FREM1: variants seen among roughly 807,000 people sequenced by gnomAD.
FREM1 encodes FRAS1 related extracellular matrix 1, also known as FRAS1-related extracellular matrix protein 1.
In FREM1, 220 loss-of-function variants were observed where a neutral mutation model predicts 210.1. The observed-to-expected ratio is 1.05, with a 90% CI of 0.94 to 1.17. FREM1 has a LOEUF of 1.17. Among genes scored for constraint, FREM1 ranks in the 50% most tolerant of loss-of-function variants. The probability of loss-of-function intolerance (pLI) is 0.00; values close to 1 mark genes in which losing one functional copy is unlikely to be tolerated. For synonymous variants in FREM1, 1,189 were observed against 980.2 expected (o/e 1.21, Z -3.98); for missense variants, 3,454 against 2,675.5 (o/e 1.29, Z -6.42).
intron 10 of FREM1, among the ~76,000 whole-genome samples, chr9:14,834,861 C>A (rs190143176): frequency 5.3e-5 from 8 of 151,452 alleles, no homozygotes; most frequent in Admixed American, 4.6e-4. Context: ...TTATTGTAAA[C>A]CACGAAGATA....
At chr9:14,810,037 C>A (rs1021513714) in intron 16 of FREM1, among the ~76,000 whole-genome samples, 1 of 152,070 alleles carries the variant, frequency 6.6e-6, no homozygotes, top group African/African-American at 2.4e-5. Flanking sequence ...TTTTAGCTGA[C>A]AATGGCGTAG....
intron 19 of FREM1, among the ~76,000 whole-genome samples, chr9:14,802,153 A>C (rs770694406): frequency 3.9e-5 from 6 of 152,216 alleles, no homozygotes; most frequent in Admixed American, 2.6e-4. Context: ...TGTATTGTTC[A>C]TAAGTCAAAG....
rs761033350 is a variant in FREM1, at chr9:14,806,802, C to G, written c.3133G>C (p.Val1045Leu). The G allele has an allele frequency of 6.2e-7, 1 of 1,608,130 alleles. No homozygotes were observed. Among genetic ancestry groups the G allele is most frequent in the East Asian group, 2.2e-5 (1 of 44,838 alleles). Reference sequence around the variant, plus strand: ...GGGTCAGTGGCGGACAAATGGTTAACAGTAAGGGCTGTTGAGCAGCCCTCA... The same window carrying G: ...GGGTCAGTGGCGGACAAATGGTTAAGAGTAAGGGCTGTTGAGCAGCCCTCA... ...VDEGCSTALT[V>L]NHLSATDPDT... Residue 1045 changes from valine to leucine, a missense_variant, in exon 18 of 37, where the codon GTT becomes CTT. Val to Leu is a conservative substitution (Grantham distance 32). Coordinates refer to ENST00000380880, the MANE Select transcript of FREM1 (RefSeq NM_001379081.2).
chr9:14,857,783 T>C (rs768891665), intron 4 of FREM1, 34 bp from the exon 5 acceptor site: 2 of 1,480,126 alleles, frequency 1.4e-6, no homozygotes, highest in African/African-American at 2.8e-5. Context: ...AGAGAGTCAC[T>C]TAAACATAAC....
chr9:14,904,509 G>T (rs1474998196), intron 1 of FREM1, among the ~76,000 whole-genome samples: 4 of 152,174 alleles, frequency 2.6e-5, no homozygotes, highest in African/African-American at 9.7e-5. Context: ...CATATGTATG[G>T]AAAAGAGCAG....
rs1847341801 is a variant in FREM1, at chr9:14,770,511, C to T, written c.5059+94G>A. ...ATCAGTAAGCCCTGGGGAGTGTTTA[C>T]CAAATGGGCCTGCACTTAATTAAAT... On this transcript the variant is annotated intron_variant, in intron 26 of 36. Transcript: ENST00000380880. 4.5e-6 allele frequency: 4 copies of T among 889,416 alleles called. 1 individual carries two copies. The highest frequency in any genetic ancestry group is 1.6e-5 in the African/African-American group (1 of 61,014). The allele number at this position is 889,416 out of a possible 1,614,324, so 55.1% of individuals were successfully genotyped here.
chr9:14,883,365 T>C (rs1302197571), intron 1 of FREM1, among the ~76,000 whole-genome samples: 1 of 152,106 alleles, frequency 6.6e-6, no homozygotes. Flanking sequence ...TTAGAAGCAA[T>C]AAAGATCAAA....
At chr9:14,818,020 C>G (rs1165702880) in intron 14 of FREM1, among the ~76,000 whole-genome samples, 1 of 152,188 alleles carries the variant, frequency 6.6e-6, no homozygotes, top group Non-Finnish European at 1.5e-5. Context: ...CAAAATCTGA[C>G]CCCTCCATAT....
chr9:14,894,536 G>A (rs2132450191), intron 1 of FREM1, among the ~76,000 whole-genome samples: 1 of 152,328 alleles, frequency 6.6e-6, no homozygotes, highest in African/African-American at 2.4e-5. Context: ...ATGGAAAGCT[G>A]AAATGTTCAC....
chr9:14,886,949 T>C (rs1835930388), intron 1 of FREM1, among the ~76,000 whole-genome samples: 1 of 151,896 alleles, frequency 6.6e-6, no homozygotes, highest in African/African-American at 2.4e-5. Context: ...TTATGATGTA[T>C]TTTTTTAAAT....
chr9:14,756,575 A>T (rs938634055), intron 28 of FREM1, 129 bp from the exon 29 acceptor site: 30 of 615,812 alleles, frequency 4.9e-5, no homozygotes, highest in South Asian at 3.7e-4. Flanking sequence ...TAGGGTTTTT[A>T]AAAAAATTAT....
intron 1 of FREM1, among the ~76,000 whole-genome samples, chr9:14,888,340 T>C (rs1033630934): frequency 2.6e-5 from 4 of 152,176 alleles, no homozygotes; most frequent in Non-Finnish European, 5.9e-5. Context: ...CTGTTATATA[T>C]ACACTGCTTC....
At chr9:14,820,657 A>G (rs1451598289) in intron 13 of FREM1, among the ~76,000 whole-genome samples, 1 of 152,246 alleles carries the variant, frequency 6.6e-6, no homozygotes, top group Non-Finnish European at 1.5e-5. Flanking sequence ...AGCCCCTTGC[A>G]TCATGGAAAT....
At chr9:14,759,686 C>G (rs966971550) in intron 28 of FREM1, 86 bp downstream of exon 28, 16 of 1,305,088 alleles carry the variant, frequency 1.2e-5, no homozygotes, top group Non-Finnish European at 1.6e-5. Flanking sequence ...CTTGGTCACT[C>G]TGAATTTTTC....
chr9:14,793,801 T>C (rs1488901433), intron 21 of FREM1, among the ~76,000 whole-genome samples: 3 of 152,212 alleles, frequency 2.0e-5, no homozygotes, highest in African/African-American at 7.2e-5. Flanking sequence ...TCTGCGGAGA[T>C]GCCAAAACCT....
intron 10 of FREM1, among the ~76,000 whole-genome samples, chr9:14,835,401 G>T (rs1824370648): frequency 6.6e-6 from 1 of 152,216 alleles, no homozygotes; most frequent in Non-Finnish European, 1.5e-5. Context: ...TTTGTCAACA[G>T]GACACAGTTG....
chr9:14,767,704 C>T (rs1640768954), intron 27 of FREM1, among the ~76,000 whole-genome samples: 1 of 152,118 alleles, frequency 6.6e-6, no homozygotes, highest in South Asian at 2.1e-4. Flanking sequence ...GTTCCAATAA[C>T]ATCTGCTTAC....
At position 14,747,335 on chromosome 9, in the gene FREM1, T is replaced by A; in HGVS notation, c.5938A>T (p.Thr1980Ser). The change falls in exon 33 of 37, where the codon ACA becomes TCA. Residue 1980 changes from threonine (T) to serine (S), a missense_variant. Thr to Ser is a moderately conservative substitution (Grantham distance 58, BLOSUM62 1). Coordinates refer to ENST00000380880, the MANE Select transcript of FREM1 (RefSeq NM_001379081.2). ...KVSIISQPQK[T>S]IKVAELPQAD... ...TGAGGCAGTTCTGCCACTTTGATTGTCTTTTGTGGCTGACTAATGATGGAT... is the reference window on the plus strand; with the variant it reads ...TGAGGCAGTTCTGCCACTTTGATTGACTTTTGTGGCTGACTAATGATGGAT... The A allele has an allele frequency of 6.2e-7, 1 of 1,613,784 alleles. No individual in the cohort carries two copies. Among genetic ancestry groups the A allele is most frequent in the Non-Finnish European group, 8.5e-7 (1 of 1,179,750 alleles).
chr9:14,863,720 C>G (rs1369264780), intron 3 of FREM1, 89 bp downstream of exon 3: 1 of 750,556 alleles, frequency 1.3e-6, no homozygotes, highest in East Asian at 2.6e-5. Flanking sequence ...TAACTCCCCT[C>G]ATGACAATAC....
Sources: allele counts gnomAD v4.1 joint callset (sites outside exome capture counted in the v4.1 genomes callset), GRCh38; gene constraint gnomAD v4.1.1; transcripts MANE v1.5; gene names NCBI Gene and HGNC (gene_info 2026-07-23, HGNC 2026-07-21).